CENPU: variants seen among roughly 807,000 people sequenced by gnomAD.
CENPU encodes the protein KSHV latent nuclear antigen interacting protein 1.
CENPU carries 46 observed loss-of-function variants against 56.7 expected under a neutral mutation model. That is an observed-to-expected ratio of 0.81 (90% CI 0.64 to 1.04). The LOEUF is 1.04. CENPU is among the 50% of genes least tolerant of loss of function. CENPU has a pLI of 0.00. For missense variants in CENPU, 510 were observed against 490.1 expected, an observed-to-expected ratio of 1.04 and a Z score of -0.38; for synonymous variants, 166 against 163.0, an observed-to-expected ratio of 1.02 and a Z score of -0.14.
At chr4:184,706,819 T>C (rs1760743038) in intron 8 of CENPU, among the ~76,000 whole-genome samples, 1 of 152,182 alleles carries the variant, frequency 6.6e-6, no homozygotes, top group Non-Finnish European at 1.5e-5. Context: ...TAAGAAAAAA[T>C]ACTATGCCTC....
At chr4:184,723,550 A>G (rs1579790575) in intron 4 of CENPU, among the ~76,000 whole-genome samples, 1 of 152,212 alleles carries the variant, frequency 6.6e-6, no homozygotes, top group East Asian at 1.9e-4. Flanking sequence ...AGTAACATAT[A>G]AAACTGGAGT....
intron 6 of CENPU, among the ~76,000 whole-genome samples, chr4:184,715,549 G>A (rs1276841923): frequency 6.6e-6 from 1 of 152,148 alleles, no homozygotes; most frequent in Non-Finnish European, 1.5e-5. Context: ...CTGACCTCAC[G>A]TGATCTGCCT....
At position 184,700,814 on chromosome 4, in the gene CENPU, T is replaced by C. The variant is rs1381703850; in HGVS notation, c.986+6A>G. ...AGTGCTCAAACAGGATTTGACAGTA[T>C]CTTACCGAAGCAGTTCATCCTGGAC... is the stretch of plus-strand genomic sequence containing the variant. On this transcript the variant is annotated splice_donor_region_variant and intron_variant, in intron 11 of 12. Coordinates refer to ENST00000281453, the MANE Select transcript of CENPU (RefSeq NM_024629.4). 1.2e-6 allele frequency: 2 copies of C among 1,612,554 alleles called. No homozygotes were observed. Among genetic ancestry groups the C allele is most frequent in the African/African-American group, 2.7e-5 (2 of 74,904 alleles).
chr4:184,710,217 A>G (rs750851883), intron 7 of CENPU, 37 bp from the exon 8 acceptor site: 4 of 1,441,406 alleles, frequency 2.8e-6, no homozygotes, highest in Non-Finnish European at 2.9e-6. Flanking sequence ...CTGGTTATTC[A>G]TATTTTGGCT....
At chr4:184,715,549 G>T (rs1276841923) in intron 6 of CENPU, among the ~76,000 whole-genome samples, 2 of 152,148 alleles carry the variant, frequency 1.3e-5, no homozygotes. Context: ...CTGACCTCAC[G>T]TGATCTGCCT....
In CENPU at chr4:184,726,977, G is replaced by C. The variant is rs1380002239; in HGVS notation, c.215-1915C>G. On this transcript the variant is annotated intron_variant, in intron 3 of 12. Coordinates refer to ENST00000281453, the MANE Select transcript of CENPU (RefSeq NM_024629.4). ...TGGTGGTGGTGGTCCTGGGGGGTGGGGGGGGGGGGCGCCTGGAATCCCAGC... is the reference window on the plus strand; with the variant it reads ...TGGTGGTGGTGGTCCTGGGGGGTGGCGGGGGGGGGCGCCTGGAATCCCAGC... Among the ~76,000 whole-genome samples the C allele has an allele frequency of 4.5e-5, 4 of 89,030 alleles. No homozygotes were observed. In the East Asian group the frequency reaches 1.1e-3, roughly 26 times the overall value. 58.4% of individuals were successfully genotyped at this position (89,030 alleles called of 152,430 possible). A position where few individuals can be genotyped will look rare whatever the true frequency, so the allele number is the denominator to read the frequency against.
At chr4:184,722,248 G>C (rs762450392) in intron 4 of CENPU, among the ~76,000 whole-genome samples, 6 of 152,148 alleles carry the variant, frequency 3.9e-5, no homozygotes, top group Non-Finnish European at 5.9e-5. Context: ...GCAGTACTAA[G>C]AGGGAAGTTT....
At position 184,723,859 on chromosome 4, in the gene CENPU, A is replaced by T. The variant is rs1027447610; in HGVS notation, c.320+1098T>A. On this transcript the variant is annotated intron_variant, in intron 4 of 12. Transcript: ENST00000281453. ...TCCATCTCAAAAAAAAAAAAAAAAA[A>T]AAAAAAATAAGCTGGAGTCTCCAAA... is the stretch of plus-strand genomic sequence containing the variant. Among the ~76,000 whole-genome samples the T allele has an allele frequency of 7.3e-5, 11 of 151,524 alleles. No individual in the cohort carries two copies. In the East Asian group the frequency reaches 1.6e-3, roughly 21 times the overall value.
At chr4:184,700,743 G>T in intron 11 of CENPU, 77 bp downstream of exon 11, 2 of 1,243,980 alleles carry the variant, frequency 1.6e-6, no homozygotes, top group Non-Finnish European at 2.4e-6. Flanking sequence ...ACAGCAGCAA[G>T]TGTCACTCCC....
intron 1 of CENPU, among the ~76,000 whole-genome samples, chr4:184,733,009 C>A (rs1460252730): frequency 1.4e-5 from 2 of 146,224 alleles, no homozygotes; most frequent in Admixed American, 6.8e-5. Flanking sequence ...AAAAAAAATT[C>A]TGTTGTATGT....
At chr4:184,698,875 C>G (rs925432225) in intron 11 of CENPU, among the ~76,000 whole-genome samples, 1 of 146,840 alleles carries the variant, frequency 6.8e-6, no homozygotes, top group East Asian at 1.9e-4. Context: ...CCCTGACTTC[C>G]TAGGGCTGCA....
In CENPU at chr4:184,694,587, A is replaced by G. The variant is rs1315362730; in HGVS notation, c.*701T>C. On this transcript the variant is annotated 3_prime_UTR_variant, in exon 13 of 13. Transcript: ENST00000281453. Reference sequence around the variant, plus strand: ...GCAATGAAACCCAGAATCCTCATAAACCATCACCTAGCAGGCTGTCAACAG... The same window carrying G: ...GCAATGAAACCCAGAATCCTCATAAGCCATCACCTAGCAGGCTGTCAACAG... 6.2e-7 allele frequency: 1 copy of G among 1,614,152 alleles called. No individual in the cohort carries two copies. Among genetic ancestry groups the G allele is most frequent in the East Asian group, 2.2e-5 (1 of 44,888 alleles).
chr4:184,707,433 C>G (rs1325304357), intron 8 of CENPU, among the ~76,000 whole-genome samples: 1 of 152,128 alleles, frequency 6.6e-6, no homozygotes, highest in South Asian at 2.1e-4. Flanking sequence ...TGGGGTTGGA[C>G]TTGTGGGGCC....
chr4:184,694,939 A>G lies in CENPU; in HGVS notation c.*349T>C, dbSNP rs1387232212. 5.2e-5 allele frequency: 32 copies of G among 614,074 alleles called. No individual in the cohort carries two copies. Among genetic ancestry groups the G allele is most frequent in the Admixed American group, 3.8e-4 (12 of 31,570 alleles). 38.0% of individuals were successfully genotyped at this position (614,074 alleles called of 1,614,324 possible). A position where few individuals can be genotyped will look rare whatever the true frequency, so the allele number is the denominator to read the frequency against. ...CTGTAAACCAATTTCATTAAAAATT[A>G]GCTTTGGTGTAAATTCAGGAGAAAT... On this transcript the variant is annotated 3_prime_UTR_variant, in exon 13 of 13. Transcript: ENST00000281453.
chr4:184,712,070 G>A (rs1364217301), intron 7 of CENPU, among the ~76,000 whole-genome samples: 4 of 140,922 alleles, frequency 2.8e-5, no homozygotes, highest in African/African-American at 8.1e-5. Context: ...GCAGTGAGCG[G>A]AGATCAAGCC....
chr4:184,710,761 C>A lies in CENPU; in HGVS notation c.689-581G>T, dbSNP rs571753775. ...GCTCTCCCTTTTATTGAGACTCAAG[C>A]AAGAAAATATCTGTGAATGCATTTA... On this transcript the variant is annotated intron_variant, in intron 7 of 12. Coordinates refer to ENST00000281453, the MANE Select transcript of CENPU (RefSeq NM_024629.4). Among the ~76,000 whole-genome samples the A allele has an allele frequency of 2.6e-5, 4 of 152,208 alleles. No individual in the cohort carries two copies. The South Asian group carries it at 8.3e-4, about 32-fold the overall frequency.
At chr4:184,728,839 A>G in intron 3 of CENPU, 79 bp downstream of exon 3, 4 of 996,938 alleles carry the variant, frequency 4.0e-6, no homozygotes, top group Non-Finnish European at 6.1e-6. Flanking sequence ...ATATTTGAAG[A>G]TACTTCTATT....
At position 184,727,975 on chromosome 4, in the gene CENPU, G is replaced by T. The variant is rs144463062; in HGVS notation, c.214+943C>A. ...GGAAGGAGATTCATGGCTGCCAGGG[G>T]CTTGAAGGAAGGGGGAAGAGGGAGT... On this transcript the variant is annotated intron_variant, in intron 3 of 12. Coordinates refer to ENST00000281453, the MANE Select transcript of CENPU (RefSeq NM_024629.4). Among the ~76,000 whole-genome samples the T allele has an allele frequency of 2.6e-5, 4 of 152,306 alleles. No individual in the cohort carries two copies. In the East Asian group the frequency reaches 7.7e-4, roughly 29 times the overall value.
intron 4 of CENPU, among the ~76,000 whole-genome samples, chr4:184,719,883 T>A (rs1261637770): frequency 1.3e-5 from 2 of 152,176 alleles, no homozygotes; most frequent in Non-Finnish European, 2.9e-5. Context: ...CTTTCAAATA[T>A]CTGGAAAGCC....
Sources: allele counts gnomAD v4.1 joint callset (sites outside exome capture counted in the v4.1 genomes callset), GRCh38; gene constraint gnomAD v4.1.1; transcripts MANE v1.5; gene names NCBI Gene and HGNC (gene_info 2026-07-23, HGNC 2026-07-21).